The following DSCAM variants were observed in gnomAD, a reference collection of about 807,000 sequenced individuals.
DSCAM encodes the protein cell adhesion molecule DSCAM.
DSCAM carries 47 observed loss-of-function variants against 217.7 expected under a neutral mutation model. The ratio of observed to expected loss-of-function variants is 0.22; its 90% CI spans 0.17 to 0.28. DSCAM has a LOEUF of 0.28. Ranked by LOEUF, DSCAM falls within the 10% of genes least tolerant of loss-of-function variation. DSCAM has a pLI of 1.00. For synonymous variants in DSCAM, 1,056 were observed against 1,015.3 expected, an observed-to-expected ratio of 1.04 and a Z score of -0.76; for missense variants, 2,080 against 2,618.3, an observed-to-expected ratio of 0.79 and a Z score of 4.49.
chr21:40,426,860 C>T (rs1037175488), intron 3 of DSCAM, among the ~76,000 whole-genome samples: 5 of 152,056 alleles, frequency 3.3e-5, no homozygotes, highest in Admixed American at 1.3e-4. Flanking sequence ...AAGCCCAAAC[C>T]GTCATCTTGG....
intron 10 of DSCAM, among the ~76,000 whole-genome samples, chr21:40,289,159 A>G (rs1055500452): frequency 2.0e-5 from 3 of 152,210 alleles, no homozygotes; most frequent in Admixed American, 6.5e-5. Flanking sequence ...ATTTCCTATG[A>G]AATTAGAAAA....
intron 1 of DSCAM, among the ~76,000 whole-genome samples, chr21:40,801,196 CT>C (rs1164831809): frequency 6.6e-6 from 1 of 151,924 alleles, no homozygotes; most frequent in East Asian, 1.9e-4. Flanking sequence ...TGTGATCCCC[CT>C]GCCTTGGTCT....
At chr21:40,159,155 T>C (rs1248100694) in intron 16 of DSCAM, among the ~76,000 whole-genome samples, 2 of 152,236 alleles carry the variant, frequency 1.3e-5, no homozygotes, top group Non-Finnish European at 2.9e-5. Context: ...ATAAAACTAA[T>C]GTCATGTTTC....
At chr21:40,205,109 T>G (rs2091110266) in intron 11 of DSCAM, among the ~76,000 whole-genome samples, 5 of 152,022 alleles carry the variant, frequency 3.3e-5, no homozygotes. Context: ...CTCAGGGGGT[T>G]TTTAAAGTTC....
chr21:40,517,404 A>AACACACACACACACACACACACACACAC (rs3070750), intron 3 of DSCAM, among the ~76,000 whole-genome samples: 1 of 144,680 alleles, frequency 6.9e-6, no homozygotes, highest in South Asian at 2.3e-4. Context: ...ACACACAAGC[A>AACACACACACACACACACACACACACAC]ACACACACAC....
chr21:40,045,733 A>G (rs2088832097), intron 30 of DSCAM, among the ~76,000 whole-genome samples: 1 of 152,176 alleles, frequency 6.6e-6, no homozygotes, highest in South Asian at 2.1e-4. Context: ...TGGTCTGGCC[A>G]CTTCTAAACC....
chr21:40,701,598 A>G (rs946942918), intron 2 of DSCAM, among the ~76,000 whole-genome samples: 1 of 152,026 alleles, frequency 6.6e-6, no homozygotes, highest in Non-Finnish European at 1.5e-5. Context: ...GCACTCCCCA[A>G]ATTCATATAT....
chr21:40,402,090 C>T (rs369240287), intron 3 of DSCAM, among the ~76,000 whole-genome samples: 3 of 114,424 alleles, frequency 2.6e-5, no homozygotes, highest in Non-Finnish European at 5.0e-5. Flanking sequence ...GACAGAGTCT[C>T]GCTCTGTCGC....
At chr21:40,227,076 A>G (rs2091339875) in intron 11 of DSCAM, among the ~76,000 whole-genome samples, 1 of 152,168 alleles carries the variant, frequency 6.6e-6, no homozygotes, top group South Asian at 2.1e-4. Context: ...AAAGGACATG[A>G]TCTCATTCTG....
chr21:40,646,280 T>C (rs9974240), intron 3 of DSCAM, among the ~76,000 whole-genome samples: 57,594 of 151,800 alleles, frequency 0.38, 11,788 homozygotes, highest in East Asian at 0.6. Context: ...CTGGGTGTGG[T>C]GGCATGCACC....
At chr21:40,351,796 G>C (rs1477023132) in intron 5 of DSCAM, among the ~76,000 whole-genome samples, 1 of 152,076 alleles carries the variant, frequency 6.6e-6, no homozygotes, top group African/African-American at 2.4e-5. Flanking sequence ...AACGCCTTTA[G>C]AGAGAAAGCA....
chr21:40,782,660 G>A (rs562403995), intron 1 of DSCAM, among the ~76,000 whole-genome samples: 1 of 152,060 alleles, frequency 6.6e-6, no homozygotes, highest in Non-Finnish European at 1.5e-5. Context: ...AGTACAGGAG[G>A]TTGAGGTTGC....
chr21:40,292,141 T>C (rs1324907155), intron 10 of DSCAM, among the ~76,000 whole-genome samples: 1 of 151,572 alleles, frequency 6.6e-6, no homozygotes, highest in East Asian at 1.9e-4. Context: ...GAACTGAATG[T>C]CTCAGACTTT....
chr21:40,468,617 C>T (rs915100399), intron 3 of DSCAM, among the ~76,000 whole-genome samples: 4 of 152,050 alleles, frequency 2.6e-5, no homozygotes, highest in South Asian at 2.1e-4. Context: ...TGAAATTCTG[C>T]GTCCTCGTGC....
chr21:40,532,747 G>C (rs143741364), intron 3 of DSCAM, among the ~76,000 whole-genome samples: 7 of 152,252 alleles, frequency 4.6e-5, no homozygotes, highest in Non-Finnish European at 1.0e-4. Flanking sequence ...GGGGTAACCT[G>C]GGGGAGAGAG....
intron 30 of DSCAM, among the ~76,000 whole-genome samples, chr21:40,049,561 C>A (rs1177330204): frequency 6.6e-6 from 1 of 152,106 alleles, no homozygotes; most frequent in Non-Finnish European, 1.5e-5. Context: ...CTAATGTCTG[C>A]CCCCTGACTA....
intron 11 of DSCAM, among the ~76,000 whole-genome samples, chr21:40,265,806 A>G (rs1452005518): frequency 6.6e-6 from 1 of 152,222 alleles, no homozygotes; most frequent in Non-Finnish European, 1.5e-5. Flanking sequence ...AAATAGCCAC[A>G]TATATAAGAG....
chr21:40,042,263 A>G (rs764165068), intron 32 of DSCAM, 108 bp downstream of exon 32: 1 of 1,165,330 alleles, frequency 8.6e-7, no homozygotes, highest in Non-Finnish European at 1.2e-6. Flanking sequence ...CCATAAACAG[A>G]GCACCCATTT....
intron 18 of DSCAM, among the ~76,000 whole-genome samples, chr21:40,137,292 C>T (rs114581500): frequency 0.018 from 2,472 of 139,920 alleles, 77 homozygotes; most frequent in African/African-American, 0.062. Flanking sequence ...TTTTGATTAA[C>T]TAATTTATCA....
Sources: allele counts gnomAD v4.1 joint callset (sites outside exome capture counted in the v4.1 genomes callset), GRCh38; gene constraint gnomAD v4.1.1; transcripts MANE v1.5; gene names NCBI Gene and HGNC (gene_info 2026-07-23, HGNC 2026-07-21).